The following KNSTRN variants were observed in gnomAD, a reference collection of about 807,000 sequenced individuals.
KNSTRN encodes small kinetochore-associated protein.
Under a neutral mutation model 44.7 loss-of-function variants are expected in KNSTRN, and 38 were observed. The observed-to-expected ratio is 0.85, with a 90% CI of 0.66 to 1.11. The LOEUF (loss-of-function observed/expected upper bound fraction) is 1.11, where lower values mean the gene tolerates loss of function less well. Among genes scored for constraint, KNSTRN ranks in the 50% most tolerant of loss-of-function variants. KNSTRN has a pLI of 0.00. For missense variants in KNSTRN, 406 were observed against 375.8 expected (o/e 1.08, Z -0.66); for synonymous variants, 158 against 148.1 (o/e 1.07, Z -0.48).
Position 40,389,605 on chromosome 15 carries a change from A to G in KNSTRN, c.585A>G (p.Glu195=). Residue 195 remains glutamate, a synonymous_variant, in exon 5 of 9, where the codon GAA becomes GAG. Transcript: ENST00000249776. ...VNKQLHQKLT[E]TQGELKDLTQ... is the part of the protein sequence containing the mutation. ...AGCAGTTGCACCAGAAGTTGACTGAAACTCAGGTAAGAGACCCACCAGAGC... is the reference window on the plus strand; with the variant it reads ...AGCAGTTGCACCAGAAGTTGACTGAGACTCAGGTAAGAGACCCACCAGAGC... 1 of 1,611,654 alleles carries G rather than the reference A, an allele frequency of 6.2e-7. No homozygotes were observed. The highest frequency in any genetic ancestry group is 8.5e-7 in the Non-Finnish European group (1 of 1,177,740).
intron 2 of KNSTRN, chr15:40,384,569 T>C (rs1207628434): frequency 2.2e-6 from 1 of 446,194 alleles, no homozygotes; most frequent in Non-Finnish European, 4.5e-6. Flanking sequence ...CCTGAGTCAG[T>C]GGGCAGTGAC....
chr15:40,384,200 C>G (rs1355442416), intron 2 of KNSTRN: 1 of 279,822 alleles, frequency 3.6e-6, no homozygotes, highest in African/African-American at 2.3e-5. Flanking sequence ...GGTGAAGCAC[C>G]GTCTCTACTA....
chr15:40,383,299 C>A lies in KNSTRN; in HGVS notation c.281C>A (p.Ala94Glu). The change falls in exon 2 of 9, where the codon GCG (alanine) becomes GAG (glutamate). Residue 94 changes from alanine to glutamate, a missense_variant. Coordinates refer to ENST00000249776, the MANE Select transcript of KNSTRN (RefSeq NM_033286.4). ...GTGTATAGCCTGCAGCCCCCCTCTG[C>A]GCTGAGCGGCGGCCAGCCGGCAGGT... is the stretch of plus-strand genomic sequence containing the variant. ...KTVYSLQPPS[A>E]LSGGQPADTQ... 6.2e-7 allele frequency: 1 copy of A among 1,612,842 alleles called. No homozygotes were observed. Among genetic ancestry groups the A allele is most frequent in the Non-Finnish European group, 8.5e-7 (1 of 1,179,172 alleles).
intron 6 of KNSTRN, among the ~76,000 whole-genome samples, chr15:40,390,250 C>G (rs562123183): frequency 2.6e-5 from 4 of 152,218 alleles, no homozygotes; most frequent in South Asian, 2.1e-4. Flanking sequence ...CATTTTCTGT[C>G]TCTTCCTATT....
intron 3 of KNSTRN, 23 bp downstream of exon 3, chr15:40,386,517 C>A: frequency 6.2e-7 from 1 of 1,607,134 alleles, no homozygotes; most frequent in Non-Finnish European, 8.5e-7. Context: ...CATTAGTATC[C>A]AGTTAGAACA....
Position 40,382,787 on chromosome 15 carries a change from A to G in KNSTRN, c.-49A>G. The G allele has an allele frequency of 6.5e-7, 1 of 1,548,092 alleles. No individual in the cohort carries two copies. ...TCTGCCCAGACCTGGGGGCTCCAAC[A>G]CCTTTCGCTAGGTCTGGCTCTGGCC... On this transcript the variant is annotated 5_prime_UTR_variant, in exon 1 of 9. Transcript: ENST00000249776.
chr15:40,391,615 A>G (rs1881353856), intron 7 of KNSTRN, 61 bp downstream of exon 7: 6 of 1,355,898 alleles, frequency 4.4e-6, no homozygotes, highest in South Asian at 1.2e-5. Flanking sequence ...TGTAAATCTA[A>G]GAAGGTCTCT....
Position 40,385,291 on chromosome 15 carries a change from G to A in KNSTRN, c.305-1071G>A, listed in dbSNP as rs543498048. 3.3e-4 allele frequency among the ~76,000 whole-genome samples: 51 copies of A among 152,320 alleles called. 2 individuals carry two copies. In the South Asian group the frequency reaches 8.9e-3, roughly 27 times the overall value. On this transcript the variant is annotated intron_variant, in intron 2 of 8. Transcript: ENST00000249776. The stretch of plus-strand genomic sequence containing the variant: ...CACAAATGATAGATTGTGTGGTTGC[G>A]GGGCTGGCACAAGGATAGAGGAAAA...
At chr15:40,386,340 T>C (rs757468451) in intron 2 of KNSTRN, 22 bp from the exon 3 acceptor site, 15 of 1,609,790 alleles carry the variant, frequency 9.3e-6, no homozygotes, top group Admixed American at 3.4e-5. Flanking sequence ...CCAGAAGCTT[T>C]ACCTCTCATT....
rs1487511008 is a variant in KNSTRN, at chr15:40,383,058, G to A, written c.209+14G>A. 6.2e-7 allele frequency: 1 copy of A among 1,608,718 alleles called. No homozygotes were observed. Among genetic ancestry groups the A allele is most frequent in the Non-Finnish European group, 8.5e-7 (1 of 1,179,578 alleles). ...GCGGGCTCCTGGGTTCGGCTCTCCC[G>A]GGGCGAGGGACTGGGCTGGATGGGA... On this transcript the variant is annotated intron_variant, in intron 1 of 8. Coordinates refer to ENST00000249776, the MANE Select transcript of KNSTRN (RefSeq NM_033286.4).
At position 40,386,366 on chromosome 15, in the gene KNSTRN, A is replaced by G. The variant is rs770242004; in HGVS notation, c.309A>G (p.Thr103=). ...SALSGGQPAD[T]QTRATSKSLL... ...ACCTCTCATTTTCCTTTGCAGACAC[A>G]CAAACTCGGGCCACTTCTAAGAGTC... The change falls in exon 3 of 9, where the codon ACA becomes ACG. Residue 103 remains threonine, a synonymous_variant. Coordinates refer to ENST00000249776, the MANE Select transcript of KNSTRN (RefSeq NM_033286.4). 7 of 1,613,416 alleles carry G rather than the reference A, an allele frequency of 4.3e-6. No homozygotes were observed. The African/African-American group carries it at 5.3e-5, about 12-fold the overall frequency.
At chr15:40,388,747 G>A (rs150491456) in intron 4 of KNSTRN, among the ~76,000 whole-genome samples, 2 of 152,028 alleles carry the variant, frequency 1.3e-5, no homozygotes, top group East Asian at 1.9e-4. Context: ...CAGGCCAGGT[G>A]TTCCTAGCCC....
intron 2 of KNSTRN, among the ~76,000 whole-genome samples, chr15:40,383,598 A>G (rs1011905012): frequency 1.3e-5 from 2 of 152,216 alleles, no homozygotes; most frequent in African/African-American, 4.8e-5. Flanking sequence ...TGTTATTCCC[A>G]TTAAGCTAGG....
rs139094595 is a variant in KNSTRN, at chr15:40,382,967, C to T, written c.132C>T (p.Ala44=). The stretch of plus-strand genomic sequence containing the variant: ...TTGAAACCCAGGCGGCCGACTTAGC[C>T]GGTGGCACGACAGTTGCTGCAGGGA... ...FLFETQAADL[A]GGTTVAAGNL... Residue 44 remains alanine (A), a synonymous_variant, in exon 1 of 9, where the codon GCC becomes GCT. Coordinates refer to ENST00000249776, the MANE Select transcript of KNSTRN (RefSeq NM_033286.4). 8 of 1,612,148 alleles carry T rather than the reference C, an allele frequency of 5.0e-6. No individual in the cohort carries two copies. The highest frequency in any genetic ancestry group is 2.2e-5 in the East Asian group (1 of 44,894).
Position 40,393,676 on chromosome 15 carries a change from G to C in KNSTRN, c.*79G>C. The C allele has an allele frequency of 7.6e-7, 1 of 1,309,258 alleles. No individual in the cohort carries two copies. The highest frequency in any genetic ancestry group is 1.1e-6 in the Non-Finnish European group (1 of 936,024). The allele number at this position is 1,309,258 out of a possible 1,614,324, so 81.1% of individuals were successfully genotyped here. A position where few individuals can be genotyped will look rare whatever the true frequency, so the allele number is the denominator to read the frequency against. ...CTACTTAGGACATCATCTTGGCCAT[G>C]ATCTTCTGGGACTCACCATCTCCAG... On this transcript the variant is annotated 3_prime_UTR_variant, in exon 9 of 9. Transcript: ENST00000249776.
chr15:40,393,845 G>A lies in KNSTRN; in HGVS notation c.*248G>A. ...TAATTGAGGCCTACAAGAGAGGGGA[G>A]CCTAGGAGCTTGGATTGACCTTCTA... On this transcript the variant is annotated 3_prime_UTR_variant, in exon 9 of 9. Coordinates refer to ENST00000249776, the MANE Select transcript of KNSTRN (RefSeq NM_033286.4). The A allele has an allele frequency of 3.5e-6, 1 of 283,934 alleles. No individual in the cohort carries two copies. The allele number at this position is 283,934 out of a possible 1,614,324, so 17.6% of individuals were successfully genotyped here. A position where few individuals can be genotyped will look rare whatever the true frequency, so the allele number is the denominator to read the frequency against.
rs1327807283 is a variant in KNSTRN at position 40,393,530 on chromosome 15, T to C, written c.884T>C (p.Leu295Ser). Residue 295 changes from leucine to serine, a missense_variant, in exon 9 of 9, where the codon TTA becomes TCA. Leu to Ser is a moderately radical substitution (Grantham distance 145, BLOSUM62 -2). Transcript: ENST00000249776. ...ERVRFLEQQT[L>S]CNNQVNDLTT... Reference sequence around the variant, plus strand: ...GTCCGATTCCTAGAACAGCAAACCTTATGTAACAATCAAGTAAATGATTTA... The same window carrying C: ...GTCCGATTCCTAGAACAGCAAACCTCATGTAACAATCAAGTAAATGATTTA... 1 of 1,614,088 alleles carries C rather than the reference T, an allele frequency of 6.2e-7. No individual in the cohort carries two copies. Among genetic ancestry groups the C allele is most frequent in the East Asian group, 2.2e-5 (1 of 44,870 alleles).
In KNSTRN at chr15:40,391,517, C is replaced by A. The variant is rs1889996275; in HGVS notation, c.710C>A (p.Ser237Ter). 6.2e-7 allele frequency: 1 copy of A among 1,613,880 alleles called. No homozygotes were observed. The highest frequency in any genetic ancestry group is 8.5e-7 in the Non-Finnish European group (1 of 1,179,922). ...GCTTTAGGCAGTGAGACCCTGGCAT[C>A]ACGACAAGAATCCACTACTGATCAC... ...DPALGSETLA[S>*]RQESTTDHMD... Residue 237 changes from serine (S) to a stop codon, truncating the protein, a stop_gained, in exon 7 of 9, where the codon TCA becomes TAA. Coordinates refer to ENST00000249776, the MANE Select transcript of KNSTRN (RefSeq NM_033286.4). LOFTEE classifies it high-confidence loss of function.
intron 2 of KNSTRN, chr15:40,384,717 C>A: frequency 4.0e-6 from 1 of 250,374 alleles, no homozygotes; most frequent in Non-Finnish European, 8.2e-6. Flanking sequence ...TGAGCGTGGG[C>A]TGGATAAGTA....
Sources: allele counts gnomAD v4.1 joint callset (sites outside exome capture counted in the v4.1 genomes callset), GRCh38; gene constraint gnomAD v4.1.1; transcripts MANE v1.5; gene names NCBI Gene and HGNC (gene_info 2026-07-23, HGNC 2026-07-21).